Variants in CCDC91 observed in about 807,000 individuals in gnomAD.
CCDC91 encodes the protein coiled-coil domain-containing protein 91.
A neutral mutation model predicts 63.2 loss-of-function variants in CCDC91; 48 were observed. The ratio of observed to expected loss-of-function variants is 0.76; its 90% confidence interval spans 0.60 to 0.97. The LOEUF (loss-of-function observed/expected upper bound fraction) is 0.97. Among genes scored for constraint, CCDC91 ranks in the 50% least tolerant of loss-of-function variants. The pLI, the probability that CCDC91 is intolerant of heterozygous loss-of-function variation, is 0.00. For synonymous variants in CCDC91, 167 were observed against 165.8 expected (o/e 1.01, Z -0.06); for missense variants, 500 against 494.6 (o/e 1.01, Z -0.10).
intron 11 of CCDC91, among the ~76,000 whole-genome samples, chr12:28,453,500 T>C (rs2140366965): frequency 6.6e-6 from 1 of 152,164 alleles, no homozygotes; most frequent in East Asian, 1.9e-4. Context: ...GCTCAAAGTT[T>C]TTAATATCCA....
At chr12:28,298,091 A>G (rs1949662546) in intron 3 of CCDC91, among the ~76,000 whole-genome samples, 1 of 148,692 alleles carries the variant, frequency 6.7e-6, no homozygotes, top group Non-Finnish European at 1.5e-5. Context: ...GAGGGAAATA[A>G]TATGCTCTCT....
At chr12:28,426,149 A>G (rs776278995) in intron 8 of CCDC91, among the ~76,000 whole-genome samples, 3 of 152,160 alleles carry the variant, frequency 2.0e-5, no homozygotes, top group Non-Finnish European at 4.4e-5. Flanking sequence ...TTTTTTGCTT[A>G]CATGGTTTCT....
intron 7 of CCDC91, among the ~76,000 whole-genome samples, chr12:28,366,700 G>A (rs1452932970): frequency 1.3e-5 from 2 of 152,090 alleles, no homozygotes; most frequent in Non-Finnish European, 2.9e-5. Context: ...CCCTTACTGT[G>A]TTGGGAAGGT....
intron 11 of CCDC91, among the ~76,000 whole-genome samples, chr12:28,482,310 T>C (rs1951492002): frequency 6.6e-6 from 1 of 151,954 alleles, no homozygotes; most frequent in Non-Finnish European, 1.5e-5. Flanking sequence ...TATAAATTGC[T>C]GTAGTTTTTC....
At chr12:28,385,610 A>T (rs927188300) in intron 7 of CCDC91, among the ~76,000 whole-genome samples, 15 of 152,208 alleles carry the variant, frequency 9.9e-5, no homozygotes, top group African/African-American at 3.4e-4. Context: ...ATATAATTTA[A>T]TTATTGTTGC....
At chr12:28,432,099 T>A (rs1437031177) in intron 8 of CCDC91, among the ~76,000 whole-genome samples, 1 of 152,128 alleles carries the variant, frequency 6.6e-6, no homozygotes, top group African/African-American at 2.4e-5. Flanking sequence ...AATTTAATTT[T>A]AAGTTCCAAG....
At chr12:28,248,029 C>T (rs1046703132) in intron 1 of CCDC91, among the ~76,000 whole-genome samples, 6 of 152,184 alleles carry the variant, frequency 3.9e-5, no homozygotes, top group African/African-American at 1.4e-4. Context: ...TGGTTCCTAA[C>T]AGGCCAAGGA....
intron 3 of CCDC91, among the ~76,000 whole-genome samples, chr12:28,263,360 C>T (rs1236037642): frequency 6.6e-6 from 1 of 151,858 alleles, no homozygotes; most frequent in Non-Finnish European, 1.5e-5. Flanking sequence ...CCCATTGCCC[C>T]CTTCCCTCAG....
At chr12:28,299,743 A>G (rs1159816517) in intron 3 of CCDC91, among the ~76,000 whole-genome samples, 2 of 151,574 alleles carry the variant, frequency 1.3e-5, no homozygotes, top group South Asian at 2.1e-4. Context: ...AGATGTATGT[A>G]TCTTTGTCTT....
chr12:28,194,265 C>A (rs114125039), intron 1 of CCDC91, among the ~76,000 whole-genome samples: 1 of 151,850 alleles, frequency 6.6e-6, no homozygotes, highest in African/African-American at 2.4e-5. Flanking sequence ...CTTTCTCTCT[C>A]TGTGTGTGTG....
intron 6 of CCDC91, among the ~76,000 whole-genome samples, chr12:28,325,152 G>C (rs974889566): frequency 1.3e-5 from 2 of 151,896 alleles, no homozygotes; most frequent in African/African-American, 4.8e-5. Context: ...AAAGATATTA[G>C]ATAAATTGGG....
intron 3 of CCDC91, among the ~76,000 whole-genome samples, chr12:28,282,922 GTGGTTATCCAA>G (rs1200996592): frequency 6.6e-6 from 1 of 151,944 alleles, no homozygotes; most frequent in East Asian, 1.9e-4. Context: ...TCTTCTACAT[GTGGTTATCCAA>G]TTTTCCCAGT....
At chr12:28,193,990 T>C (rs1167491393) in intron 1 of CCDC91, among the ~76,000 whole-genome samples, 1 of 152,236 alleles carries the variant, frequency 6.6e-6, no homozygotes, top group Non-Finnish European at 1.5e-5. Flanking sequence ...TCTGAGTCTG[T>C]AGTTTGTCCT....
intron 1 of CCDC91, among the ~76,000 whole-genome samples, chr12:28,230,501 T>C (rs1944521109): frequency 6.6e-6 from 1 of 152,200 alleles, no homozygotes; most frequent in African/African-American, 2.4e-5. Flanking sequence ...CATGCATATT[T>C]CTTGAAGTCA....
rs1166066734 is a variant in CCDC91 at position 28,484,076 on chromosome 12, GA to G, written c.1128del (p.Glu377SerfsTer13). The G allele has an allele frequency of 6.2e-7, 1 of 1,611,058 alleles. No individual in the cohort carries two copies. On this transcript the variant is annotated frameshift_variant, in exon 12 of 13. Coordinates refer to ENST00000536442, the MANE Select transcript of CCDC91 (RefSeq NM_018318.5). LOFTEE classifies it high-confidence loss of function. ...GGAAACTGTTAAGGCAGCAATAATA[GA>G]AGAGCAGAAACGAAGTGAAAAGGCT... is the stretch of plus-strand genomic sequence containing the variant. ...SQETVKAAII[E>X]EQKRSEKAVE...
chr12:28,273,665 T>G (rs1457685291), intron 3 of CCDC91, among the ~76,000 whole-genome samples: 1 of 152,176 alleles, frequency 6.6e-6, no homozygotes, highest in Non-Finnish European at 1.5e-5. Context: ...TTCATATCCT[T>G]CGCCCACTTT....
chr12:28,264,593 G>A (rs1324230780), intron 3 of CCDC91, among the ~76,000 whole-genome samples: 5 of 145,984 alleles, frequency 3.4e-5, no homozygotes, highest in Non-Finnish European at 7.7e-5. Context: ...GTCTGTGTGT[G>A]TGTGTGTGTG....
chr12:28,202,953 A>C (rs1265036896), intron 1 of CCDC91, among the ~76,000 whole-genome samples: 2 of 152,188 alleles, frequency 1.3e-5, no homozygotes, highest in African/African-American at 4.8e-5. Context: ...GGTTATTGGC[A>C]CTGGACAAGC....
chr12:28,290,450 T>C (rs1301742379), intron 3 of CCDC91, among the ~76,000 whole-genome samples: 1 of 152,216 alleles, frequency 6.6e-6, no homozygotes, highest in African/African-American at 2.4e-5. Flanking sequence ...GTCTTTGTTC[T>C]TTATCCAGCT....
Sources: allele counts gnomAD v4.1 joint callset (sites outside exome capture counted in the v4.1 genomes callset), GRCh38; gene constraint gnomAD v4.1.1; transcripts MANE v1.5; gene names NCBI Gene and HGNC (gene_info 2026-07-23, HGNC 2026-07-21).